SPON1: variants seen among roughly 807,000 people sequenced by gnomAD.
SPON1 encodes the protein spondin 1.
Under a neutral mutation model 111.7 loss-of-function variants are expected in SPON1, and 52 were observed. The observed-to-expected ratio is 0.47, with a 90% CI of 0.37 to 0.59. The LOEUF is 0.59. Ranked by LOEUF, SPON1 falls within the 20% of genes least tolerant of loss-of-function variation. The probability of loss-of-function intolerance (pLI) is 0.00; values close to 1 mark genes in which losing one functional copy is unlikely to be tolerated. For synonymous variants in SPON1, 410 were observed against 395.8 expected (o/e 1.04, Z -0.43); for missense variants, 957 against 1,068.5 (o/e 0.90, Z 1.46).
At chr11:14,062,006 G>A (rs1159058667) in intron 3 of SPON1, among the ~76,000 whole-genome samples, 2 of 152,198 alleles carry the variant, frequency 1.3e-5, no homozygotes, top group African/African-American at 2.4e-5. Context: ...ATGTGGGAGA[G>A]CTTGGCTAGT....
intron 7 of SPON1, among the ~76,000 whole-genome samples, chr11:14,250,396 A>G (rs1849040455): frequency 6.6e-6 from 1 of 151,044 alleles, no homozygotes; most frequent in South Asian, 2.1e-4. Context: ...GGTATATTAA[A>G]TGTGAATCCA....
chr11:14,248,779 G>A (rs1054466693), intron 7 of SPON1, among the ~76,000 whole-genome samples: 11 of 152,168 alleles, frequency 7.2e-5, no homozygotes, highest in African/African-American at 2.4e-4. Context: ...GGTCCTGCCC[G>A]TTGAAACTGA....
chr11:14,036,909 CATTGCAGAAGCT>C (rs140746184), intron 2 of SPON1, among the ~76,000 whole-genome samples: 45,086 of 151,842 alleles, frequency 0.3, 7,852 homozygotes, highest in South Asian at 0.51. Flanking sequence ...TTGGATTAAG[CATTGCAGAAGCT>C]TAGCTAGAGT....
intron 6 of SPON1, among the ~76,000 whole-genome samples, chr11:14,169,186 T>C (rs1162298098): frequency 1.3e-5 from 2 of 152,250 alleles, no homozygotes; most frequent in African/African-American, 4.8e-5. Flanking sequence ...TTTTTAATGA[T>C]TGCCATTCTA....
chr11:14,061,472 A>C (rs1848790652), intron 3 of SPON1, among the ~76,000 whole-genome samples: 1 of 152,220 alleles, frequency 6.6e-6, no homozygotes, highest in African/African-American at 2.4e-5. Context: ...ATTTCAGTTA[A>C]TAGGTCAAGC....
chr11:14,243,260 C>T (rs906817786), intron 6 of SPON1, 72 bp from the exon 7 acceptor site: 1 of 1,411,502 alleles, frequency 7.1e-7, no homozygotes, highest in African/African-American at 1.4e-5. Flanking sequence ...TGAATGGTGT[C>T]ACCAGGTCAA....
intron 5 of SPON1, among the ~76,000 whole-genome samples, chr11:14,084,650 T>G (rs1352825947): frequency 6.6e-6 from 1 of 152,244 alleles, no homozygotes; most frequent in Non-Finnish European, 1.5e-5. Context: ...TTATAATCCT[T>G]TGGGTATATA....
At chr11:14,173,486 C>G (rs1304838649) in intron 6 of SPON1, among the ~76,000 whole-genome samples, 2 of 152,150 alleles carry the variant, frequency 1.3e-5, no homozygotes, top group Non-Finnish European at 2.9e-5. Context: ...GCCTTCTTCT[C>G]TCAACTCGTC....
At chr11:14,019,348 G>A (rs903835263) in intron 2 of SPON1, among the ~76,000 whole-genome samples, 12 of 150,622 alleles carry the variant, frequency 8.0e-5, no homozygotes, top group African/African-American at 2.4e-4. Flanking sequence ...ATAAAATTAT[G>A]TATATTAATT....
chr11:14,119,662 C>T (rs1849290596), intron 5 of SPON1, among the ~76,000 whole-genome samples: 1 of 152,164 alleles, frequency 6.6e-6, no homozygotes, highest in Admixed American at 6.5e-5. Flanking sequence ...GTAGCTGCTG[C>T]AGGCCAAGTC....
chr11:14,046,168 GA>G (rs1554917808), intron 3 of SPON1, among the ~76,000 whole-genome samples: 1 of 152,158 alleles, frequency 6.6e-6, no homozygotes, highest in Admixed American at 6.5e-5. Context: ...GAAGCAAAAG[GA>G]AAAGGCAGAG....
At chr11:14,257,586 G>T in intron 10 of SPON1, 130 bp from the exon 11 acceptor site, 1 of 718,862 alleles carries the variant, frequency 1.4e-6, no homozygotes, top group South Asian at 2.6e-5. Context: ...TCCATCCCAG[G>T]AGCACCCAGG....
chr11:14,212,657 G>A (rs111754059), intron 6 of SPON1, among the ~76,000 whole-genome samples: 105 of 152,304 alleles, frequency 6.9e-4, no homozygotes, highest in African/African-American at 2.4e-3. Flanking sequence ...TGTATATGAA[G>A]TTCTTAGCAC....
At chr11:14,111,235 A>G (rs1849224421) in intron 5 of SPON1, among the ~76,000 whole-genome samples, 1 of 152,198 alleles carries the variant, frequency 6.6e-6, no homozygotes, top group Non-Finnish European at 1.5e-5. Flanking sequence ...ATTAGAAATA[A>G]CACGGGACAA....
intron 3 of SPON1, among the ~76,000 whole-genome samples, chr11:14,061,036 C>T (rs1848787790): frequency 6.6e-6 from 1 of 152,162 alleles, no homozygotes; most frequent in East Asian, 1.9e-4. Context: ...ATTTTTCAAG[C>T]TCCTATCTCA....
chr11:14,140,923 A>T (rs782077923), intron 6 of SPON1, among the ~76,000 whole-genome samples: 1 of 151,686 alleles, frequency 6.6e-6, no homozygotes, highest in Non-Finnish European at 1.5e-5. Flanking sequence ...GGCAGAAACA[A>T]CCTTCCTTGC....
intron 5 of SPON1, among the ~76,000 whole-genome samples, chr11:14,091,024 C>G (rs139501200): frequency 0.021 from 3,139 of 152,058 alleles, 114 homozygotes; most frequent in African/African-American, 0.071. Flanking sequence ...CACAGCGTGT[C>G]GATTGGTGCA....
intron 2 of SPON1, among the ~76,000 whole-genome samples, chr11:14,015,891 C>T (rs563204529): frequency 3.9e-5 from 6 of 152,250 alleles, no homozygotes; most frequent in East Asian, 1.9e-4. Flanking sequence ...CTTATCTGAC[C>T]GGCTCATAGC....
chr11:14,034,562 G>T (rs551744643), intron 2 of SPON1, among the ~76,000 whole-genome samples: 101 of 152,346 alleles, frequency 6.6e-4, no homozygotes, highest in African/African-American at 2.3e-3. Flanking sequence ...GGCAACTGAG[G>T]TTGTGGATAA....
Sources: gnomAD v4.1 joint callset for allele counts (sites outside exome capture counted in the v4.1 genomes callset) on GRCh38, gnomAD v4.1.1 for gene constraint, MANE v1.5 for transcripts, NCBI Gene and HGNC (gene_info 2026-07-23, HGNC 2026-07-21) for gene names.